Variants in CPA3 observed in about 807,000 individuals in gnomAD.
The protein encoded by CPA3 is mast cell carboxypeptidase A.
A neutral mutation model predicts 55.8 loss-of-function variants in CPA3; 52 were observed. That is an observed-to-expected ratio of 0.93 (90% CI 0.75 to 1.17). The LOEUF is 1.17. Ranked by LOEUF, CPA3 falls within the 50% of genes most tolerant of loss-of-function variation. The pLI, the probability that CPA3 is intolerant of heterozygous loss-of-function variation, is 0.00. For synonymous variants in CPA3, 179 were observed against 171.2 expected, an observed-to-expected ratio of 1.05 and a Z score of -0.36; for missense variants, 547 against 509.1, an observed-to-expected ratio of 1.07 and a Z score of -0.72.
chr3:148,878,811 C>T, intron 5 of CPA3, 63 bp downstream of exon 5: 1 of 967,368 alleles, frequency 1.0e-6, no homozygotes, highest in Non-Finnish European at 1.6e-6. Flanking sequence ...TTAAAAGTTA[C>T]TTTGTAACAC....
In CPA3 at chr3:148,868,930, C is replaced by T; in HGVS notation, c.160C>T (p.Pro54Ser). 6.2e-7 allele frequency: 1 copy of T among 1,613,774 alleles called. No homozygotes were observed. Among genetic ancestry groups the T allele is most frequent in the South Asian group, 1.1e-5 (1 of 91,018 alleles). Residue 54 changes from proline to serine, a missense_variant, in exon 3 of 11, where the codon CCA becomes TCA. Physicochemically the swap from Pro to Ser is moderately conservative, Grantham distance 74. Transcript: ENST00000296046. ...AKTNELDFWY[P>S]GATHHVAANM... ...ATCTCTGCAGCTTGACTTCTGGTAT[C>T]CAGGTGCCACCCACCACGTAGCTGC...
chr3:148,872,380 G>A (rs1187416753), intron 3 of CPA3, among the ~76,000 whole-genome samples: 2 of 152,002 alleles, frequency 1.3e-5, no homozygotes, highest in Non-Finnish European at 2.9e-5. Context: ...TCTTTTCTTT[G>A]ATCAAAGGTT....
At chr3:148,879,150 G>C (rs560666764) in intron 5 of CPA3, among the ~76,000 whole-genome samples, 1 of 152,188 alleles carries the variant, frequency 6.6e-6, no homozygotes, top group Non-Finnish European at 1.5e-5. Context: ...ACCATGGATT[G>C]CTTGAGGGTT....
intron 10 of CPA3, among the ~76,000 whole-genome samples, chr3:148,886,800 G>A (rs115012644): frequency 6.6e-4 from 101 of 152,238 alleles, no homozygotes; most frequent in African/African-American, 2.1e-3. Flanking sequence ...ATGTAAGTAT[G>A]GTCTTTTCCC....
At chr3:148,882,176 G>A (rs990111451) in intron 7 of CPA3, among the ~76,000 whole-genome samples, 25 of 152,004 alleles carry the variant, frequency 1.6e-4, no homozygotes, top group African/African-American at 5.8e-4. Context: ...ATCTATATAT[G>A]GTGAACAAGC....
chr3:148,887,438 G>A (rs1714563010), intron 10 of CPA3, among the ~76,000 whole-genome samples: 1 of 152,168 alleles, frequency 6.6e-6, no homozygotes, highest in Non-Finnish European at 1.5e-5. Flanking sequence ...GTATTTCCCA[G>A]TTATTAGTAA....
intron 5 of CPA3, 24 bp downstream of exon 5, chr3:148,878,772 A>G (rs1356394944): frequency 7.5e-7 from 1 of 1,327,288 alleles, no homozygotes; most frequent in Non-Finnish European, 1.1e-6. Context: ...AAGAACCACT[A>G]ATTCTTATTA....
At chr3:148,877,289 A>C (rs1201665925) in intron 3 of CPA3, among the ~76,000 whole-genome samples, 1 of 152,240 alleles carries the variant, frequency 6.6e-6, no homozygotes, top group Non-Finnish European at 1.5e-5. Flanking sequence ...TGAGGTCAGG[A>C]GTTCGAGGCC....
chr3:148,870,286 C>T (rs1714028483), intron 3 of CPA3, among the ~76,000 whole-genome samples: 2 of 151,282 alleles, frequency 1.3e-5, no homozygotes, highest in Non-Finnish European at 2.9e-5. Context: ...CCATTTTATA[C>T]CTCCATTACC....
Position 148,897,078 on chromosome 3 carries a change from T to C in CPA3, c.*371T>C, listed in dbSNP as rs941631644. ...ATACAATAAAATAAAATGCACTTAA[T>C]GCTTTAAAATTCATCTTTTTATGAT... On this transcript the variant is annotated 3_prime_UTR_variant, in exon 11 of 11. Transcript: ENST00000296046. 1.2e-5 allele frequency: 2 copies of C among 160,426 alleles called. No individual in the cohort carries two copies. Among genetic ancestry groups the C allele is most frequent in the Admixed American group, 1.3e-4 (2 of 15,602 alleles). The allele number at this position is 160,426 out of a possible 1,614,324, so 9.9% of individuals were successfully genotyped here.
At chr3:148,895,724 T>C (rs1714808610) in intron 10 of CPA3, among the ~76,000 whole-genome samples, 1 of 152,212 alleles carries the variant, frequency 6.6e-6, no homozygotes, top group African/African-American at 2.4e-5. Context: ...TGAATTCTTA[T>C]CTTTCAAATT....
At chr3:148,875,406 G>A (rs543552441) in intron 3 of CPA3, among the ~76,000 whole-genome samples, 4 of 152,024 alleles carry the variant, frequency 2.6e-5, no homozygotes, top group Middle Eastern at 3.4e-3. Flanking sequence ...CCATTATAAC[G>A]ATAATTTTCT....
In CPA3 at chr3:148,878,747, A is replaced by G. The variant is rs1403213382; in HGVS notation, c.473A>G (p.Lys158Arg). The G allele has an allele frequency of 2.6e-6, 4 of 1,543,986 alleles. No individual in the cohort carries two copies. The highest frequency in any genetic ancestry group is 3.5e-6 in the Non-Finnish European group (4 of 1,128,542). The change falls in exon 5 of 11, where the codon AAG becomes AGG. Residue 158 changes from lysine (K) to arginine (R), a missense_variant and splice_region_variant. Transcript: ENST00000296046. ...TVEDNPLYVL[K>R]IGEKNERRKA... ...GAAGATAATCCACTATATGTTCTGAAGGTAAAAATAACTCAAGAACCACTA... is the reference window on the plus strand; with the variant it reads ...GAAGATAATCCACTATATGTTCTGAGGGTAAAAATAACTCAAGAACCACTA...
intron 6 of CPA3, 39 bp downstream of exon 6, chr3:148,879,928 C>T (rs746437105): frequency 5.8e-6 from 8 of 1,370,166 alleles, no homozygotes; most frequent in South Asian, 1.2e-5. Context: ...CCTTTGACTG[C>T]CAAGTCTCCA....
intron 3 of CPA3, among the ~76,000 whole-genome samples, chr3:148,871,556 G>A (rs1184187369): frequency 6.6e-6 from 1 of 151,946 alleles, no homozygotes; most frequent in Non-Finnish European, 1.5e-5. Context: ...TTCTCCTTTG[G>A]TCCTCTAGGC....
chr3:148,889,210 C>T (rs953000006), intron 10 of CPA3, among the ~76,000 whole-genome samples: 1 of 152,088 alleles, frequency 6.6e-6, no homozygotes, highest in Non-Finnish European at 1.5e-5. Context: ...ATCAAACATG[C>T]ATGAGAAACA....
chr3:148,879,666 G>C lies in CPA3; in HGVS notation c.475-122G>C, dbSNP rs1714304593. 4 of 664,070 alleles carry C rather than the reference G, an allele frequency of 6.0e-6. No homozygotes were observed. In the East Asian group the frequency reaches 8.3e-5, roughly 14 times the overall value. The allele number at this position is 664,070 out of a possible 1,614,324, so 41.1% of individuals were successfully genotyped here. A position where few individuals can be genotyped will look rare whatever the true frequency, so the allele number is the denominator to read the frequency against. On this transcript the variant is annotated intron_variant, in intron 5 of 10. Coordinates refer to ENST00000296046, the MANE Select transcript of CPA3 (RefSeq NM_001870.4). ...TTCTGAGAACAATATGTGCATACAT[G>C]GTTCTCATTCAACAATAGACAGGGG... is the stretch of plus-strand genomic sequence containing the variant.
intron 3 of CPA3, among the ~76,000 whole-genome samples, chr3:148,874,207 G>A (rs1369351907): frequency 6.6e-6 from 1 of 151,884 alleles, no homozygotes; most frequent in Non-Finnish European, 1.5e-5. Context: ...TTTTTGCTTT[G>A]TTTTGTTTGG....
intron 10 of CPA3, among the ~76,000 whole-genome samples, chr3:148,889,198 TAATC>T (rs964644611): frequency 4.2e-4 from 64 of 152,326 alleles, no homozygotes; most frequent in African/African-American, 1.4e-3. Context: ...GATAGAATGT[TAATC>T]AAACATGCAT....
Sources: gnomAD v4.1 joint callset for allele counts (sites outside exome capture counted in the v4.1 genomes callset) on GRCh38, gnomAD v4.1.1 for gene constraint, MANE v1.5 for transcripts, NCBI Gene and HGNC (gene_info 2026-07-23, HGNC 2026-07-21) for gene names.